Variants in CHD1L observed in about 807,000 individuals in gnomAD.
CHD1L encodes ATP-dependent chromatin remodeler CHD1L.
CHD1L carries 118 observed loss-of-function variants against 115.9 expected under a neutral mutation model. That is an observed-to-expected ratio of 1.02 (90% CI 0.88 to 1.19). The LOEUF (loss-of-function observed/expected upper bound fraction) is 1.19. CHD1L is among the 50% of genes most tolerant of loss of function. CHD1L has a pLI of 0.00. For missense variants in CHD1L, 1,179 were observed against 1,065.3 expected (o/e 1.11, Z -1.49); for synonymous variants, 411 against 387.1 (o/e 1.06, Z -0.72).
chr1:147,233,421 T>TGG, the CHD1L span, among the ~76,000 whole-genome samples: 1 of 54,138 alleles, frequency 1.8e-5, no homozygotes, highest in African/African-American at 7.1e-5. Context: ...GGGAGGGAGG[T>TGG]GGGGGGTCAG....
chr1:147,240,499 C>G (rs1664750465), upstream of CHD1L, among the ~76,000 whole-genome samples: 1 of 152,134 alleles, frequency 6.6e-6, no homozygotes, highest in South Asian at 2.1e-4. Context: ...TGACCGTCCC[C>G]CAGCCTGACA....
chr1:147,268,135 C>T (rs782146783), intron 9 of CHD1L, among the ~76,000 whole-genome samples: 2 of 152,340 alleles, frequency 1.3e-5, no homozygotes, highest in Non-Finnish European at 2.9e-5. Flanking sequence ...TTCTCAGTCT[C>T]CTTTGTTGCT....
the CHD1L span, chr1:147,201,175 C>T: frequency 1.4e-5 from 23 of 1,612,776 alleles, no homozygotes; most frequent in East Asian, 4.5e-5. Context: ...AGTGGCCCAG[C>T]GTCCTTGGAG....
chr1:147,254,101 A>G (rs1669272108), intron 2 of CHD1L, among the ~76,000 whole-genome samples: 1 of 152,166 alleles, frequency 6.6e-6, no homozygotes, highest in African/African-American at 2.4e-5. Flanking sequence ...CTCTTGACAC[A>G]TTTTTGTTTT....
chr1:147,178,777 T>A, the CHD1L span: 3 of 1,603,862 alleles, frequency 1.9e-6, no homozygotes, highest in Non-Finnish European at 2.6e-6. Flanking sequence ...GACTGTGGCA[T>A]ATACAGTGCA....
chr1:147,290,154 C>T (rs782247965), intron 19 of CHD1L, among the ~76,000 whole-genome samples: 1 of 152,158 alleles, frequency 6.6e-6, no homozygotes, highest in African/African-American at 2.4e-5. Context: ...CCGATCTTGG[C>T]TCACTGCAAT....
the CHD1L span, chr1:147,178,778 A>G: frequency 1.2e-6 from 2 of 1,604,026 alleles, no homozygotes; most frequent in South Asian, 2.2e-5. Flanking sequence ...ACTGTGGCAT[A>G]TACAGTGCAA....
chr1:147,177,869 G>C, the CHD1L span, among the ~76,000 whole-genome samples: 2 of 152,122 alleles, frequency 1.3e-5, no homozygotes, highest in African/African-American at 4.8e-5. Flanking sequence ...TCAAACTTGA[G>C]TATGAAACTT....
the CHD1L span, chr1:147,203,715 G>A: frequency 3.8e-5 from 58 of 1,514,436 alleles, no homozygotes; most frequent in Non-Finnish European, 4.8e-5. Flanking sequence ...GGTACAAGAC[G>A]TTTATCCCTT....
intron 15 of CHD1L, among the ~76,000 whole-genome samples, chr1:147,281,738 T>C (rs1290755098): frequency 2.0e-5 from 3 of 152,042 alleles, no homozygotes; most frequent in Non-Finnish European, 4.4e-5. Context: ...ATATTACATC[T>C]TTTTAAAAAG....
intron 18 of CHD1L, 114 bp downstream of exon 18, chr1:147,286,614 C>A: frequency 3.5e-6 from 3 of 848,414 alleles, no homozygotes; most frequent in Non-Finnish European, 5.5e-6. Flanking sequence ...ATTGTACAGT[C>A]AAAAAAGTGT....
At chr1:147,193,592 T>G in the CHD1L span, among the ~76,000 whole-genome samples, 920 of 152,250 alleles carry the variant, frequency 6.0e-3, 15 homozygotes, top group African/African-American at 0.021. Flanking sequence ...CTTTTAATTG[T>G]GATGTTAGGG....
chr1:147,267,777 G>T (rs1674525328), intron 9 of CHD1L, among the ~76,000 whole-genome samples: 1 of 152,054 alleles, frequency 6.6e-6, no homozygotes, highest in South Asian at 2.1e-4. Context: ...CATTGCATTT[G>T]CCATGTCTCT....
chr1:147,196,308 G>A, the CHD1L span, among the ~76,000 whole-genome samples: 5 of 152,118 alleles, frequency 3.3e-5, 1 homozygote, highest in Admixed American at 3.3e-4. Context: ...AATCAATTAG[G>A]AAACACTGAA....
chr1:147,175,876 G>C, the CHD1L span: 1 of 148,308 alleles, frequency 6.7e-6, no homozygotes, highest in Non-Finnish European at 1.5e-5. Context: ...AAAGAAGCCA[G>C]GCTCCACTTA....
chr1:147,286,633 G>C lies in CHD1L; in HGVS notation c.2221+133G>C, dbSNP rs1356081299. The C allele has an allele frequency of 2.9e-5, 22 of 762,006 alleles. No individual in the cohort carries two copies. In the East Asian group the frequency reaches 5.7e-4, roughly 20 times the overall value. The allele number at this position is 762,006 out of a possible 1,614,324, so 47.2% of individuals were successfully genotyped here. On this transcript the variant is annotated intron_variant, in intron 18 of 22. Coordinates refer to ENST00000369258, the MANE Select transcript of CHD1L (RefSeq NM_004284.6). Reference sequence around the variant, plus strand: ...TACAGTCAAAAAAGTGTGAATTTTAGAGTCAGGAGATATTCCAGAATCATT... The same window carrying C: ...TACAGTCAAAAAAGTGTGAATTTTACAGTCAGGAGATATTCCAGAATCATT...
At chr1:147,210,452 T>C in the CHD1L span, 1 of 152,210 alleles carries the variant, frequency 6.6e-6, no homozygotes, top group Non-Finnish European at 1.5e-5. Context: ...AGTCTTTTTG[T>C]CTAAAATGAC....
At chr1:147,291,432 C>A in intron 19 of CHD1L, 50 bp from the exon 20 acceptor site, 1 of 1,437,534 alleles carries the variant, frequency 7.0e-7, no homozygotes, top group South Asian at 1.1e-5. Context: ...AGGATTCATT[C>A]ATTAGTGAAC....
the CHD1L span, among the ~76,000 whole-genome samples, chr1:147,198,734 C>T: frequency 6.6e-6 from 1 of 151,612 alleles, no homozygotes; most frequent in Non-Finnish European, 1.5e-5. Flanking sequence ...GCCTGTAGTC[C>T]CAGCTACTGG....
Sources: gnomAD v4.1 joint callset for allele counts (sites outside exome capture counted in the v4.1 genomes callset) on GRCh38, gnomAD v4.1.1 for gene constraint, MANE v1.5 for transcripts, NCBI Gene and HGNC (gene_info 2026-07-23, HGNC 2026-07-21) for gene names.